ZEB2: variants seen among roughly 807,000 people sequenced by gnomAD.
The protein encoded by ZEB2 is zinc finger E-box binding homeobox 2, also known as zinc finger E-box-binding homeobox 2.
A neutral mutation model predicts 99.9 loss-of-function variants in ZEB2; 6 were observed. The observed-to-expected ratio is 0.06, with a 90% CI of 0.03 to 0.12. ZEB2 has a LOEUF of 0.12. ZEB2 is among the 10% of genes least tolerant of loss of function. The pLI is 1.00. For synonymous variants in ZEB2, 517 were observed against 542.5 expected (o/e 0.95, Z 0.65); for missense variants, 969 against 1,502.8 (o/e 0.64, Z 5.87).
intron 7 of ZEB2, 47 bp from the exon 8 acceptor site, chr2:144,400,317 C>A: frequency 6.3e-7 from 1 of 1,579,888 alleles, no homozygotes. Context: ...GATTAGATAA[C>A]AATTGCAATT....
chr2:144,427,745 G>C (rs1215003496), intron 3 of ZEB2: 1 of 152,114 alleles, frequency 6.6e-6, no homozygotes, highest in African/African-American at 2.4e-5. Flanking sequence ...AGCCGGGTAA[G>C]TTTCTTGGTC....
At chr2:144,461,939 A>C (rs529964364) in intron 2 of ZEB2, 2 of 152,188 alleles carry the variant, frequency 1.3e-5, no homozygotes, top group Non-Finnish European at 2.9e-5. Context: ...AACTACTAAC[A>C]TCACACTTAT....
At chr2:144,512,143 T>C in intron 2 of ZEB2, 1 of 1,287,152 alleles carries the variant, frequency 7.8e-7, no homozygotes, top group Non-Finnish European at 1.0e-6. Flanking sequence ...TGAAACACAT[T>C]AGGGCAGACA....
intron 5 of ZEB2, 43 bp downstream of exon 5, chr2:144,404,792 CT>C: frequency 6.2e-7 from 1 of 1,600,214 alleles, no homozygotes; most frequent in Non-Finnish European, 8.5e-7. Flanking sequence ...ATTGTAACAG[CT>C]GCAGAGGTCA....
intron 2 of ZEB2, among the ~76,000 whole-genome samples, chr2:144,467,915 C>A (rs967268676): frequency 6.6e-6 from 1 of 152,042 alleles, no homozygotes; most frequent in South Asian, 2.1e-4. Context: ...TTATGTCAAG[C>A]GCATTACGAT....
intron 2 of ZEB2, among the ~76,000 whole-genome samples, chr2:144,451,973 T>C (rs1403698994): frequency 6.6e-6 from 1 of 152,176 alleles, no homozygotes; most frequent in Non-Finnish European, 1.5e-5. Context: ...AACATCTTCC[T>C]ATGTGTTTGA....
intron 2 of ZEB2, chr2:144,512,087 T>G (rs1705049509): frequency 7.8e-7 from 1 of 1,287,220 alleles, no homozygotes; most frequent in Non-Finnish European, 1.0e-6. Context: ...CGGGAATGAA[T>G]GGTACAGTGG....
At chr2:144,513,013 T>C in intron 2 of ZEB2, 2 of 1,287,266 alleles carry the variant, frequency 1.6e-6, no homozygotes, top group Non-Finnish European at 2.0e-6. Context: ...AAGTCTGGAC[T>C]GACAGTGATC....
intron 2 of ZEB2, among the ~76,000 whole-genome samples, chr2:144,493,372 A>C (rs965416973): frequency 6.6e-6 from 1 of 152,224 alleles, no homozygotes; most frequent in African/African-American, 2.4e-5. Context: ...CAAAGATTCT[A>C]TAAAACAAAT....
chr2:144,438,712 A>G (rs553718934), intron 2 of ZEB2, among the ~76,000 whole-genome samples: 1 of 152,290 alleles, frequency 6.6e-6, no homozygotes, highest in East Asian at 1.9e-4. Context: ...CTAATACCTG[A>G]GAAAGGCATG....
At chr2:144,458,745 T>C (rs1573768127) in intron 2 of ZEB2, among the ~76,000 whole-genome samples, 1 of 152,282 alleles carries the variant, frequency 6.6e-6, no homozygotes. Flanking sequence ...GATGAAGCAA[T>C]TTTAGCCTTT....
intron 2 of ZEB2, chr2:144,513,124 T>C: frequency 7.8e-7 from 1 of 1,285,940 alleles, no homozygotes; most frequent in South Asian, 1.2e-5. Context: ...GGAGAAGGGG[T>C]TGACTGCATT....
rs916063830 is a variant in ZEB2, at chr2:144,423,914, CA to C, written c.403+881del. Among the ~76,000 whole-genome samples the C allele has an allele frequency of 4.7e-5, 7 of 149,376 alleles. No individual in the cohort carries two copies. In the South Asian group the frequency reaches 6.4e-4, roughly 14 times the overall value. On this transcript the variant is annotated intron_variant, in intron 4 of 9. Transcript: ENST00000627532. ...TGGATGAGTTGAGTAGAAGTAGTTA[CA>C]TTTTTTTTTTGTTTTATTTTGGAAG... is the stretch of plus-strand genomic sequence containing the variant.
intron 4 of ZEB2, chr2:144,405,272 T>C: frequency 1.8e-6 from 1 of 540,642 alleles, no homozygotes; most frequent in Middle Eastern, 5.0e-4. Flanking sequence ...CCTGGAATAT[T>C]AGTCTGTATA....
intron 2 of ZEB2, among the ~76,000 whole-genome samples, chr2:144,446,187 C>A (rs192867432): frequency 6.6e-6 from 1 of 152,156 alleles, no homozygotes; most frequent in South Asian, 2.1e-4. Flanking sequence ...ACTGTGTGGG[C>A]AATAACATTT....
Position 144,396,657 on chromosome 2 carries a change from A to T in ZEB2, c.2887-65T>A, listed in dbSNP as rs1703233884. The T allele has an allele frequency of 2.6e-6, 4 of 1,547,112 alleles. No homozygotes were observed. In the South Asian group the frequency reaches 4.6e-5, roughly 18 times the overall value. On this transcript the variant is annotated intron_variant, in intron 8 of 9. Coordinates refer to ENST00000627532, the MANE Select transcript of ZEB2 (RefSeq NM_014795.4). Reference sequence around the variant, plus strand: ...TTGTGCTCACACCAAACAACTTCACATAGGGGGACATTTGGAGAACCTCAA... The same window carrying T: ...TTGTGCTCACACCAAACAACTTCACTTAGGGGGACATTTGGAGAACCTCAA...
intron 3 of ZEB2, chr2:144,429,135 T>C (rs1703732268): frequency 6.6e-6 from 1 of 152,454 alleles, no homozygotes; most frequent in South Asian, 2.1e-4. Flanking sequence ...TACCTTAGTT[T>C]TATTATAGTT....
intron 2 of ZEB2, chr2:144,462,144 A>G (rs1704202444): frequency 6.6e-6 from 1 of 152,180 alleles, no homozygotes; most frequent in Non-Finnish European, 1.5e-5. Flanking sequence ...TGGGAGGAAT[A>G]CTTCACTTGA....
At chr2:144,490,174 C>G (rs1389032398) in intron 2 of ZEB2, among the ~76,000 whole-genome samples, 1 of 152,176 alleles carries the variant, frequency 6.6e-6, no homozygotes, top group Non-Finnish European at 1.5e-5. Context: ...TGACTCTCCC[C>G]AGATATAGTT....
Sources: allele counts gnomAD v4.1 joint callset (sites outside exome capture counted in the v4.1 genomes callset), GRCh38; gene constraint gnomAD v4.1.1; transcripts MANE v1.5; gene names NCBI Gene and HGNC (gene_info 2026-07-23, HGNC 2026-07-21).